The following EBF2 variants were observed in gnomAD, a reference collection of about 807,000 sequenced individuals.
EBF2 encodes EBF transcription factor 2, also known as transcription factor COE2.
In EBF2, 21 loss-of-function variants were observed where a neutral mutation model predicts 72.8. That is an observed-to-expected ratio of 0.29 (90% CI 0.20 to 0.42). The LOEUF (loss-of-function observed/expected upper bound fraction) is 0.42. Among genes scored for constraint, EBF2 ranks in the 10% least tolerant of loss-of-function variants. The pLI, the probability that EBF2 is intolerant of heterozygous loss-of-function variation, is 1.00. For synonymous variants in EBF2, 299 were observed against 274.2 expected, an observed-to-expected ratio of 1.09 and a Z score of -0.89; for missense variants, 637 against 731.2, an observed-to-expected ratio of 0.87 and a Z score of 1.49.
rs76815561 is a variant in EBF2 at position 25,978,044 on chromosome 8, A to G, written c.551+55041T>C. On this transcript the variant is annotated intron_variant, in intron 6 of 15. Coordinates refer to ENST00000520164, the MANE Select transcript of EBF2 (RefSeq NM_022659.4). ...AGCACCACAAACCCCCAGCTGATCA[A>G]CTGTGGTCACAGGCTGCTGGACAGC... Among the ~76,000 whole-genome samples the G allele has an allele frequency of 5.2e-3, 791 of 152,280 alleles. 6 individuals carry two copies. Among genetic ancestry groups the G allele is most frequent in the South Asian group, 9.3e-3 (45 of 4,816 alleles).
chr8:25,932,296 AT>A (rs908479090), intron 6 of EBF2, among the ~76,000 whole-genome samples: 2 of 151,630 alleles, frequency 1.3e-5, no homozygotes, highest in Non-Finnish European at 2.9e-5. Flanking sequence ...CTCTTCAACC[AT>A]TTTTTTAACT....
chr8:26,017,116 T>C (rs754126716), intron 6 of EBF2, among the ~76,000 whole-genome samples: 1 of 150,364 alleles, frequency 6.7e-6, no homozygotes, highest in Non-Finnish European at 1.5e-5. Flanking sequence ...ACACTGTATA[T>C]CTTTTACGTG....
At chr8:25,881,315 T>G (rs1802602316) in intron 10 of EBF2, among the ~76,000 whole-genome samples, 1 of 152,246 alleles carries the variant, frequency 6.6e-6, no homozygotes, top group African/African-American at 2.4e-5. Context: ...AACTCATTCC[T>G]TCTGCTCTGT....
At chr8:25,873,768 A>G (rs1802476729) in intron 10 of EBF2, among the ~76,000 whole-genome samples, 1 of 152,252 alleles carries the variant, frequency 6.6e-6, no homozygotes, top group African/African-American at 2.4e-5. Flanking sequence ...TGTAAAAATT[A>G]AAGATAAATT....
chr8:26,018,931 T>TAAAA (rs1176680985), intron 6 of EBF2, among the ~76,000 whole-genome samples: 4 of 107,568 alleles, frequency 3.7e-5, no homozygotes, highest in East Asian at 3.1e-4. Context: ...TCCATGGCAA[T>TAAAA]AAAAAAAAAA....
At chr8:25,893,605 C>T (rs779386219) in intron 7 of EBF2, among the ~76,000 whole-genome samples, 2 of 152,078 alleles carry the variant, frequency 1.3e-5, no homozygotes, top group African/African-American at 4.8e-5. Flanking sequence ...ATGAGCTGTC[C>T]TAGGCACACT....
At chr8:25,960,814 A>G (rs1442595619) in intron 6 of EBF2, among the ~76,000 whole-genome samples, 1 of 152,236 alleles carries the variant, frequency 6.6e-6, no homozygotes, top group Non-Finnish European at 1.5e-5. Context: ...AGAAAACCAG[A>G]TTATAATATG....
chr8:25,945,275 A>C (rs1803748440), intron 6 of EBF2, among the ~76,000 whole-genome samples: 2 of 152,112 alleles, frequency 1.3e-5, no homozygotes, highest in South Asian at 2.1e-4. Flanking sequence ...ATGAGTTTCT[A>C]TTAAGCTATA....
At chr8:25,922,058 A>G (rs1204290410) in intron 6 of EBF2, among the ~76,000 whole-genome samples, 1 of 152,192 alleles carries the variant, frequency 6.6e-6, no homozygotes, top group African/African-American at 2.4e-5. Context: ...TGGAGTCACT[A>G]GGATTTCTCA....
chr8:25,912,500 C>G (rs957341458), intron 6 of EBF2, among the ~76,000 whole-genome samples: 28 of 62,208 alleles, frequency 4.5e-4, no homozygotes, highest in African/African-American at 1.1e-3. Flanking sequence ...ACACACACAA[C>G]AGGAAGAATA....
chr8:25,915,966 T>G (rs952110341), intron 6 of EBF2, among the ~76,000 whole-genome samples: 4 of 152,092 alleles, frequency 2.6e-5, no homozygotes, highest in African/African-American at 9.7e-5. Context: ...ATTTTTACTG[T>G]AAAAATTAGG....
chr8:25,843,625 A>G lies in EBF2; in HGVS notation c.*984T>C, dbSNP rs1324166395. The G allele has an allele frequency of 6.6e-6, 1 of 152,258 alleles. No homozygotes were observed. The highest frequency in any genetic ancestry group is 6.5e-5 in the Admixed American group (1 of 15,282). The allele number at this position is 152,258 out of a possible 1,614,324, so 9.4% of individuals were successfully genotyped here. On this transcript the variant is annotated 3_prime_UTR_variant, in exon 16 of 16. Coordinates refer to ENST00000520164, the MANE Select transcript of EBF2 (RefSeq NM_022659.4). ...AGACTCAAACATGGGAATTCTCTGGACTGCTCAGGGGAGAACGTTGAAAGC... is the reference window on the plus strand; with the variant it reads ...AGACTCAAACATGGGAATTCTCTGGGCTGCTCAGGGGAGAACGTTGAAAGC...
intron 6 of EBF2, among the ~76,000 whole-genome samples, chr8:25,973,102 G>A (rs1451592445): frequency 6.6e-6 from 1 of 152,008 alleles, no homozygotes; most frequent in East Asian, 1.9e-4. Flanking sequence ...GAGGCCTGCA[G>A]TTTCCAGGGT....
chr8:26,032,215 C>T (rs1805420146), intron 6 of EBF2: 1 of 152,088 alleles, frequency 6.6e-6, no homozygotes, highest in Non-Finnish European at 1.5e-5. Context: ...CTATACTTTC[C>T]ACGAAGAAAC....
intron 9 of EBF2, 141 bp from the exon 10 acceptor site, chr8:25,887,022 C>A: frequency 1.3e-6 from 1 of 791,602 alleles, no homozygotes; most frequent in East Asian, 2.9e-5. Flanking sequence ...CTCCTAGCTC[C>A]AAATGCACTC....
At chr8:26,005,561 T>TATAGAGAGAGAGAGAG (rs375386709) in intron 6 of EBF2, among the ~76,000 whole-genome samples, 2,762 of 63,806 alleles carry the variant, frequency 0.043, 133 homozygotes, top group Middle Eastern at 0.095. Flanking sequence ...TATATATATA[T>TATAGAGAGAGAGAGAG]AGAGAGAGAG....
At chr8:26,034,575 C>A (rs1293074203) in intron 5 of EBF2, among the ~76,000 whole-genome samples, 1 of 152,210 alleles carries the variant, frequency 6.6e-6, no homozygotes, top group Non-Finnish European at 1.5e-5. Flanking sequence ...AGGAAGCTTG[C>A]TGGTAAGAAG....
At chr8:25,930,423 A>T (rs1391983923) in intron 6 of EBF2, among the ~76,000 whole-genome samples, 1 of 152,204 alleles carries the variant, frequency 6.6e-6, no homozygotes, top group Non-Finnish European at 1.5e-5. Flanking sequence ...CCTATAAGAC[A>T]ATACATGGGA....
chr8:26,016,882 G>A (rs761619180), intron 6 of EBF2, among the ~76,000 whole-genome samples: 3 of 152,100 alleles, frequency 2.0e-5, no homozygotes, highest in Non-Finnish European at 2.9e-5. Flanking sequence ...GATGTCATGT[G>A]GGATCACCAT....
Sources: gnomAD v4.1 joint callset for allele counts (sites outside exome capture counted in the v4.1 genomes callset) on GRCh38, gnomAD v4.1.1 for gene constraint, MANE v1.5 for transcripts, NCBI Gene and HGNC (gene_info 2026-07-23, HGNC 2026-07-21) for gene names.